Variants in MMS22L observed in about 807,000 individuals in gnomAD.
The protein encoded by MMS22L is protein MMS22-like.
MMS22L carries 74 observed loss-of-function variants against 159.1 expected under a neutral mutation model. The ratio of observed to expected loss-of-function variants is 0.47; its 90% CI spans 0.39 to 0.56. The LOEUF is 0.56. Ranked by LOEUF, MMS22L falls within the 20% of genes least tolerant of loss-of-function variation. The pLI, the probability that MMS22L is intolerant of heterozygous loss-of-function variation, is 0.00. For missense variants in MMS22L, 1,351 were observed against 1,422.1 expected, an observed-to-expected ratio of 0.95 and a Z score of 0.80; for synonymous variants, 517 against 506.9, an observed-to-expected ratio of 1.02 and a Z score of -0.27.
chr6:97,247,944 A>T (rs1384565130), intron 10 of MMS22L, among the ~76,000 whole-genome samples: 1 of 152,190 alleles, frequency 6.6e-6, no homozygotes, highest in African/African-American at 2.4e-5. Context: ...TAAATCAGTA[A>T]ATCAATATTT....
At chr6:97,263,535 G>A in intron 8 of MMS22L, 87 bp from the exon 9 acceptor site, 1 of 555,432 alleles carries the variant, frequency 1.8e-6, no homozygotes, top group Non-Finnish European at 3.0e-6. Context: ...TTAAAAGAAT[G>A]ATTTAGATGA....
intron 20 of MMS22L, among the ~76,000 whole-genome samples, chr6:97,166,842 T>C (rs1220979605): frequency 2.0e-5 from 3 of 152,144 alleles, no homozygotes; most frequent in Non-Finnish European, 4.4e-5. Context: ...CTCTGTGGGA[T>C]TGGCGGTTCA....
chr6:97,268,709 C>T (rs1471790385), intron 7 of MMS22L, among the ~76,000 whole-genome samples: 1 of 151,924 alleles, frequency 6.6e-6, no homozygotes, highest in Non-Finnish European at 1.5e-5. Flanking sequence ...TAAAATAGGG[C>T]AAACCAAGGT....
chr6:97,195,987 A>G (rs777573354), intron 14 of MMS22L, among the ~76,000 whole-genome samples: 52 of 152,222 alleles, frequency 3.4e-4, no homozygotes, highest in Non-Finnish European at 6.0e-4. Flanking sequence ...ACAGTTAATT[A>G]TAACAGGAGG....
At chr6:97,273,426 A>G (rs1224587965) in intron 4 of MMS22L, among the ~76,000 whole-genome samples, 1 of 152,052 alleles carries the variant, frequency 6.6e-6, no homozygotes, top group Non-Finnish European at 1.5e-5. Context: ...TGGTCTCTTC[A>G]AGACTCAGTC....
At chr6:97,158,711 G>A (rs1365608655) in intron 22 of MMS22L, among the ~76,000 whole-genome samples, 4 of 152,132 alleles carry the variant, frequency 2.6e-5, no homozygotes, top group African/African-American at 9.7e-5. Context: ...TACATTTGCT[G>A]AGGAGTGTTT....
intron 14 of MMS22L, among the ~76,000 whole-genome samples, chr6:97,202,262 G>A (rs1582593881): frequency 6.6e-6 from 1 of 152,154 alleles, no homozygotes; most frequent in East Asian, 1.9e-4. Context: ...AACTAGCATA[G>A]ATTTCATACA....
At chr6:97,182,140 G>GT (rs199987050) in intron 15 of MMS22L, 86 bp from the exon 16 acceptor site, 125,445 of 708,816 alleles carry the variant, frequency 0.18, 284 homozygotes, top group East Asian at 0.28. Context: ...TATAACAAGT[G>GT]TTTTTTTTTT....
Position 97,168,592 on chromosome 6 carries a change from T to C in MMS22L, c.2840-352A>G, listed in dbSNP as rs1324902509. ...ATCAAAAGAAATGCTCATTAGACCA[T>C]TTCAAATTTCACACTGTTGGATTAG... On this transcript the variant is annotated intron_variant, in intron 19 of 24. Coordinates refer to ENST00000683635, the MANE Select transcript of MMS22L (RefSeq NM_001350599.2). 1.3e-5 allele frequency among the ~76,000 whole-genome samples: 2 copies of C among 152,026 alleles called. 1 individual carries two copies. Among genetic ancestry groups the C allele is most frequent in the Non-Finnish European group, 2.9e-5 (2 of 67,988 alleles).
intron 8 of MMS22L, chr6:97,263,718 T>C (rs909714077): frequency 4.5e-6 from 1 of 220,304 alleles, no homozygotes; most frequent in African/African-American, 2.3e-5. Context: ...CTTTTTTTTT[T>C]CTTTTTGTGA....
At chr6:97,164,182 G>T (rs1420383484) in intron 21 of MMS22L, among the ~76,000 whole-genome samples, 1 of 151,836 alleles carries the variant, frequency 6.6e-6, no homozygotes, top group East Asian at 1.9e-4. Context: ...GCCAAAGGAT[G>T]GGCAAGGAAA....
At chr6:97,236,323 C>CAAA (rs58792910) in intron 11 of MMS22L, among the ~76,000 whole-genome samples, 12 of 94,576 alleles carry the variant, frequency 1.3e-4, no homozygotes, top group African/African-American at 3.8e-4. Flanking sequence ...ACTCTTTCTC[C>CAAA]AAAAAAAAAA....
At chr6:97,279,781 C>T (rs1357287919) in intron 3 of MMS22L, among the ~76,000 whole-genome samples, 1 of 147,528 alleles carries the variant, frequency 6.8e-6, no homozygotes, top group Non-Finnish European at 1.5e-5. Flanking sequence ...GTGAGACACC[C>T]TCTCAAAAAA....
chr6:97,162,235 T>C (rs1802523991), intron 21 of MMS22L, 70 bp from the exon 22 acceptor site: 2 of 1,400,384 alleles, frequency 1.4e-6, no homozygotes, highest in African/African-American at 2.9e-5. Context: ...TGGCATATAA[T>C]TTAAAGATAT....
chr6:97,195,016 T>C (rs2128292505), intron 14 of MMS22L, among the ~76,000 whole-genome samples: 1 of 152,282 alleles, frequency 6.6e-6, no homozygotes, highest in Non-Finnish European at 1.5e-5. Flanking sequence ...GAACTTGTGG[T>C]GAGCTTTATG....
intron 11 of MMS22L, among the ~76,000 whole-genome samples, chr6:97,237,287 G>C (rs1486878972): frequency 2.0e-5 from 3 of 152,292 alleles, no homozygotes; most frequent in African/African-American, 4.8e-5. Context: ...TACAGGTAAA[G>C]AAGAACACAG....
chr6:97,233,901 G>A lies in MMS22L; in HGVS notation c.1262C>T (p.Ala421Val), dbSNP rs141738577. Residue 421 changes from alanine to valine, a missense_variant, in exon 12 of 25, where the codon GCA becomes GTA. Ala to Val is a moderately conservative substitution (Grantham distance 64). Transcript: ENST00000683635. The part of the protein sequence containing the change: ...TLCDFWEPNI[A>V]IVTILWEYYS... ...ATATTCCCATAAAATGGTAACAATT[G>A]CAATGTTTGGCTCCCAGAAATCACA... The A allele has an allele frequency of 1.1e-4, 172 of 1,609,914 alleles. No individual in the cohort carries two copies. The highest frequency in any genetic ancestry group is 1.3e-5 in the African/African-American group (1 of 74,710).
intron 14 of MMS22L, among the ~76,000 whole-genome samples, chr6:97,215,114 A>ATATTTT (rs1209431095): frequency 4.6e-5 from 4 of 87,188 alleles, no homozygotes; most frequent in African/African-American, 1.1e-4. Flanking sequence ...ATATATATAT[A>ATATTTT]TTTTTTTTTT....
intron 24 of MMS22L, among the ~76,000 whole-genome samples, chr6:97,148,798 T>C (rs1801044526): frequency 6.6e-6 from 1 of 152,204 alleles, no homozygotes; most frequent in African/African-American, 2.4e-5. Context: ...ATGTTTATAA[T>C]GTCTACTACA....
Sources: gnomAD v4.1 joint callset for allele counts (sites outside exome capture counted in the v4.1 genomes callset) on GRCh38, gnomAD v4.1.1 for gene constraint, MANE v1.5 for transcripts, NCBI Gene and HGNC (gene_info 2026-07-23, HGNC 2026-07-21) for gene names.